Variants in IGF1R observed in about 807,000 individuals in gnomAD.
The protein encoded by IGF1R is insulin like growth factor 1 receptor.
IGF1R carries 44 observed loss-of-function variants against 144.6 expected under a neutral mutation model. That is an observed-to-expected ratio of 0.30 (90% CI 0.24 to 0.39). The LOEUF is 0.39. IGF1R is among the 10% of genes least tolerant of loss of function. The pLI is 1.00. For synonymous variants in IGF1R, 795 were observed against 722.8 expected, an observed-to-expected ratio of 1.10 and a Z score of -1.60; for missense variants, 1,355 against 1,833.7, an observed-to-expected ratio of 0.74 and a Z score of 4.77.
At chr15:98,938,752 A>C (rs965255266) in intron 17 of IGF1R, among the ~76,000 whole-genome samples, 1 of 152,250 alleles carries the variant, frequency 6.6e-6, no homozygotes, top group Non-Finnish European at 1.5e-5. Flanking sequence ...TACCATGTCC[A>C]TTTGGAAACA....
At chr15:98,850,539 G>C (rs937616584) in intron 2 of IGF1R, among the ~76,000 whole-genome samples, 5 of 152,236 alleles carry the variant, frequency 3.3e-5, no homozygotes, top group African/African-American at 1.2e-4. Flanking sequence ...TTGCAACGAG[G>C]CCTCTCTGAG....
At chr15:98,914,480 C>T (rs2015155674) in intron 8 of IGF1R, among the ~76,000 whole-genome samples, 1 of 152,174 alleles carries the variant, frequency 6.6e-6, no homozygotes, top group Admixed American at 6.5e-5. Flanking sequence ...TCTCCATGAC[C>T]CTGTAAGTGG....
At chr15:98,796,419 A>G (rs746343992) in intron 2 of IGF1R, among the ~76,000 whole-genome samples, 3 of 152,160 alleles carry the variant, frequency 2.0e-5, no homozygotes, top group Non-Finnish European at 4.4e-5. Flanking sequence ...GAGCACTTCC[A>G]TTTCTTCAAC....
intron 18 of IGF1R, among the ~76,000 whole-genome samples, chr15:98,939,753 A>G (rs746583054): frequency 3.9e-5 from 6 of 152,206 alleles, no homozygotes; most frequent in Non-Finnish European, 8.8e-5. Context: ...TTTAAGGAGC[A>G]TTGCTCCCCT....
At chr15:98,834,419 G>A (rs1596342612) in intron 2 of IGF1R, among the ~76,000 whole-genome samples, 1 of 152,202 alleles carries the variant, frequency 6.6e-6, no homozygotes, top group South Asian at 2.1e-4. Context: ...AGAGCTTTCC[G>A]TCACGTGAGT....
intron 2 of IGF1R, among the ~76,000 whole-genome samples, chr15:98,841,760 T>C (rs1391686084): frequency 2.6e-5 from 4 of 152,198 alleles, no homozygotes; most frequent in Admixed American, 6.5e-5. Context: ...CCCTTTCTCG[T>C]CTTTCTGGTC....
chr15:98,824,337 G>T (rs905004224), intron 2 of IGF1R: 5 of 152,252 alleles, frequency 3.3e-5, no homozygotes, highest in African/African-American at 1.2e-4. Flanking sequence ...GTTTTCCTCT[G>T]CTCTTTCAGT....
chr15:98,840,304 C>T (rs1053592399), intron 2 of IGF1R, among the ~76,000 whole-genome samples: 3 of 152,228 alleles, frequency 2.0e-5, no homozygotes, highest in African/African-American at 7.2e-5. Flanking sequence ...TGACTGCCTT[C>T]ACATCTTGCT....
chr15:98,841,555 T>C lies in IGF1R; in HGVS notation c.641-49770T>C, dbSNP rs561857393. Among the ~76,000 whole-genome samples, 34 of 152,334 alleles carry C rather than the reference T, an allele frequency of 2.2e-4. No individual in the cohort carries two copies. In the Middle Eastern group the frequency reaches 0.01, roughly 46 times the overall value. Reference sequence around the variant, plus strand: ...TCCACCTGGCTTTTTAGGCCTCTCTTACCTGTTCCCTGTTTATCCTTGCCT... The same window carrying C: ...TCCACCTGGCTTTTTAGGCCTCTCTCACCTGTTCCCTGTTTATCCTTGCCT... On this transcript the variant is annotated intron_variant, in intron 2 of 20. Transcript: ENST00000650285.
chr15:98,769,460 C>A lies in IGF1R; in HGVS notation c.640+61353C>A, dbSNP rs2055527795. On this transcript the variant is annotated intron_variant, in intron 2 of 20. Coordinates refer to ENST00000650285, the MANE Select transcript of IGF1R (RefSeq NM_000875.5). ...GTATGCATCAGCTGCTCCCAGGGGC[C>A]TTCTAAGGCCTCAGTCCAACAACAG... 1.3e-5 allele frequency among the ~76,000 whole-genome samples: 2 copies of A among 152,150 alleles called. 1 individual carries two copies. The highest frequency in any genetic ancestry group is 1.3e-4 in the Admixed American group (2 of 15,276).
chr15:98,743,553 C>G (rs1440571976), intron 2 of IGF1R, among the ~76,000 whole-genome samples: 2 of 152,040 alleles, frequency 1.3e-5, no homozygotes, highest in Non-Finnish European at 2.9e-5. Flanking sequence ...GCCATGAGAC[C>G]AAGAAGGAAA....
At chr15:98,723,177 T>C (rs8035181) in intron 2 of IGF1R, among the ~76,000 whole-genome samples, 4,929 of 152,112 alleles carry the variant, frequency 0.032, 99 homozygotes, top group East Asian at 0.057. Flanking sequence ...TATTCCACGC[T>C]CCCCCACCCC....
chr15:98,896,734 A>ATTT (rs368764715), intron 3 of IGF1R, 23 bp from the exon 4 acceptor site: 14 of 1,543,024 alleles, frequency 9.1e-6, no homozygotes, highest in African/African-American at 2.8e-5. Flanking sequence ...TGTGTTTTTG[A>ATTT]TTTTTTTTTT....
intron 2 of IGF1R, among the ~76,000 whole-genome samples, chr15:98,810,280 G>A (rs1010359783): frequency 1.3e-5 from 2 of 152,148 alleles, no homozygotes; most frequent in Admixed American, 6.5e-5. Context: ...TCCACTCTGT[G>A]CTTCAGCCTG....
chr15:98,728,871 A>C (rs550308590), intron 2 of IGF1R, among the ~76,000 whole-genome samples: 1 of 152,246 alleles, frequency 6.6e-6, no homozygotes, highest in Non-Finnish European at 1.5e-5. Context: ...GATCTGGCTT[A>C]AAATCTTGGC....
intron 1 of IGF1R, among the ~76,000 whole-genome samples, chr15:98,659,328 T>C (rs1182682254): frequency 6.6e-6 from 1 of 152,202 alleles, no homozygotes; most frequent in African/African-American, 2.4e-5. Context: ...CTTAATATTG[T>C]CATTTGTCAA....
At chr15:98,746,265 A>G (rs1057086812) in intron 2 of IGF1R, among the ~76,000 whole-genome samples, 4 of 152,220 alleles carry the variant, frequency 2.6e-5, no homozygotes, top group African/African-American at 7.2e-5. Flanking sequence ...CGGGACAGGT[A>G]TGGGAGTGAC....
At chr15:98,845,505 CCCTCCTCCTCCTT>C (rs1294197629) in intron 2 of IGF1R, among the ~76,000 whole-genome samples, 4 of 134,040 alleles carry the variant, frequency 3.0e-5, no homozygotes, top group African/African-American at 5.6e-5. Flanking sequence ...TTCTCCTCCT[CCCTCCTCCTCCTT>C]CCTCCTCCCC....
intron 1 of IGF1R, 147 bp downstream of exon 1, chr15:98,649,822 C>A (rs951459141): frequency 6.6e-6 from 4 of 603,756 alleles, no homozygotes; most frequent in African/African-American, 5.8e-5. Context: ...GCGGCTCTGC[C>A]GGGAGGGAGG....
Sources: allele counts gnomAD v4.1 joint callset (sites outside exome capture counted in the v4.1 genomes callset), GRCh38; gene constraint gnomAD v4.1.1; transcripts MANE v1.5; gene names NCBI Gene and HGNC (gene_info 2026-07-23, HGNC 2026-07-21).